The following KIF13B variants were observed in gnomAD, a reference collection of about 807,000 sequenced individuals.
The protein encoded by KIF13B is kinesin family member 13B.
KIF13B carries 127 observed loss-of-function variants against 222.0 expected under a neutral mutation model. That is an observed-to-expected ratio of 0.57 (90% CI 0.50 to 0.66). KIF13B has a LOEUF of 0.66. KIF13B is among the 30% of genes least tolerant of loss of function. The probability of loss-of-function intolerance (pLI) is 0.00; values close to 1 mark genes in which losing one functional copy is unlikely to be tolerated. For synonymous variants in KIF13B, 976 were observed against 919.0 expected, an observed-to-expected ratio of 1.06 and a Z score of -1.12; for missense variants, 2,173 against 2,379.0, an observed-to-expected ratio of 0.91 and a Z score of 1.80.
intron 2 of KIF13B, among the ~76,000 whole-genome samples, chr8:29,214,699 G>T (rs960587596): frequency 6.6e-6 from 1 of 152,206 alleles, no homozygotes; most frequent in Non-Finnish European, 1.5e-5. Context: ...TGATTATCAA[G>T]TATTATATAC....
chr8:29,080,800 C>G (rs1807775319), intron 37 of KIF13B, among the ~76,000 whole-genome samples: 1 of 152,162 alleles, frequency 6.6e-6, no homozygotes, highest in Non-Finnish European at 1.5e-5. Flanking sequence ...CACTGTGCCC[C>G]TGCCTGCCAC....
chr8:29,181,658 C>T (rs1812717857), intron 7 of KIF13B, among the ~76,000 whole-genome samples: 2 of 152,148 alleles, frequency 1.3e-5, no homozygotes, highest in Admixed American at 1.3e-4. Context: ...AGATAAAATT[C>T]ACAATTTTCT....
At chr8:29,189,763 G>A (rs1376431676) in intron 4 of KIF13B, 1 of 152,326 alleles carries the variant, frequency 6.6e-6, no homozygotes, top group Non-Finnish European at 1.5e-5. Flanking sequence ...CTCCAGCCCA[G>A]TCTCAGGCCT....
In KIF13B at chr8:29,188,618, G is replaced by C. The variant is rs1813046337; in HGVS notation, c.224-11C>G. ...AAACAATATCTTGACCTGAGAGAGA[G>C]AGAATAAGAGAAAAGATATTTTAAG... On this transcript the variant is annotated splice_polypyrimidine_tract_variant and intron_variant, in intron 4 of 39. Coordinates refer to ENST00000524189, the MANE Select transcript of KIF13B (RefSeq NM_015254.4). The C allele has an allele frequency of 6.5e-7, 1 of 1,548,760 alleles. No homozygotes were observed. The highest frequency in any genetic ancestry group is 8.8e-7 in the Non-Finnish European group (1 of 1,130,556).
chr8:29,128,493 A>T (rs1810211369), intron 24 of KIF13B, among the ~76,000 whole-genome samples: 1 of 152,240 alleles, frequency 6.6e-6, no homozygotes, highest in African/African-American at 2.4e-5. Context: ...ATCACCAAGG[A>T]CTAAGCCTCA....
chr8:29,092,964 C>A, intron 36 of KIF13B, 86 bp from the exon 37 acceptor site: 1 of 1,245,448 alleles, frequency 8.0e-7, no homozygotes, highest in South Asian at 1.9e-5. Context: ...CATCACTTGT[C>A]AGCAAATCTA....
chr8:29,200,705 C>G (rs1197437814), intron 2 of KIF13B, among the ~76,000 whole-genome samples: 3 of 152,270 alleles, frequency 2.0e-5, no homozygotes, highest in African/African-American at 7.2e-5. Flanking sequence ...TGGTCCAAGA[C>G]CTTGTGTTAC....
chr8:29,075,755 G>A (rs1807529651), intron 37 of KIF13B, among the ~76,000 whole-genome samples: 1 of 152,166 alleles, frequency 6.6e-6, no homozygotes, highest in African/African-American at 2.4e-5. Flanking sequence ...AGGAGGGGAG[G>A]AGGAAGGAGG....
At chr8:29,144,042 A>T (rs1810943800) in intron 18 of KIF13B, among the ~76,000 whole-genome samples, 1 of 151,468 alleles carries the variant, frequency 6.6e-6, no homozygotes, top group East Asian at 1.9e-4. Flanking sequence ...AAGTTAAAAA[A>T]AAAAAAGCCC....
intron 18 of KIF13B, among the ~76,000 whole-genome samples, chr8:29,145,462 C>T (rs1265610409): frequency 2.0e-5 from 3 of 152,110 alleles, no homozygotes; most frequent in Non-Finnish European, 4.4e-5. Flanking sequence ...AAAACCCCAT[C>T]TCTACTAAAA....
chr8:29,240,037 G>GA (rs35425328), intron 2 of KIF13B, among the ~76,000 whole-genome samples: 4,531 of 131,640 alleles, frequency 0.034, 98 homozygotes, highest in Middle Eastern at 0.058. Flanking sequence ...CACAAAAGAG[G>GA]AAAAAAAAAA....
At chr8:29,195,644 G>C (rs1221193132) in intron 3 of KIF13B, among the ~76,000 whole-genome samples, 11 of 152,186 alleles carry the variant, frequency 7.2e-5, no homozygotes, top group Non-Finnish European at 7.3e-5. Flanking sequence ...CTTCAAGCAG[G>C]GCTCCACATT....
chr8:29,165,668 A>G lies in KIF13B; in HGVS notation c.1263T>C (p.Ile421=). The G allele has an allele frequency of 6.2e-7, 1 of 1,602,860 alleles. No individual in the cohort carries two copies. The highest frequency in any genetic ancestry group is 1.1e-5 in the South Asian group (1 of 90,856). ...WEEKLRKTEE[I]AQERQKQLES... is the part of the protein sequence containing the mutation. ...ATCATCAGGAAACACGAACCTGTGC[A>G]ATCTCCTCCGTTTTCCTTAATTTCT... The change falls in exon 12 of 40, where the codon ATT becomes ATC. Residue 421 remains isoleucine, a synonymous_variant. Transcript: ENST00000524189.
intron 16 of KIF13B, among the ~76,000 whole-genome samples, chr8:29,148,203 A>G (rs1811142012): frequency 6.6e-6 from 1 of 152,210 alleles, no homozygotes; most frequent in South Asian, 2.1e-4. Flanking sequence ...AGACTCTCTC[A>G]CAAAAAATTA....
intron 2 of KIF13B, among the ~76,000 whole-genome samples, chr8:29,197,593 G>GCCTCTTTAACAATCCGGGTGTCCAA (rs1813499824): frequency 1.3e-5 from 2 of 151,904 alleles, no homozygotes; most frequent in African/African-American, 4.8e-5. Flanking sequence ...TTGCAAACAT[G>GCCTCTTTAACAATCCGGGTGTCCAA]CCTCTTTAAC....
At chr8:29,080,343 A>C (rs927643766) in intron 37 of KIF13B, among the ~76,000 whole-genome samples, 1 of 151,262 alleles carries the variant, frequency 6.6e-6, no homozygotes, top group Non-Finnish European at 1.5e-5. Context: ...AAAAAAAAAA[A>C]AAAAAACCAA....
Position 29,167,427 on chromosome 8 carries a change from G to T in KIF13B, c.1104C>A (p.Ile368=). 6.2e-7 allele frequency: 1 copy of T among 1,613,790 alleles called. No homozygotes were observed. The highest frequency in any genetic ancestry group is 8.5e-7 in the Non-Finnish European group (1 of 1,179,880). The change falls in exon 11 of 40, where the codon ATC becomes ATA. Residue 368 remains isoleucine, a synonymous_variant. Transcript: ENST00000524189. ...TCTCAACTTCTTCCCGGAGATCCCG[G>T]ATAATTCGGGCATTAGGGTCCTCAT... The part of the protein sequence containing the change: ...VVNEDPNARI[I]RDLREEVEKL...
intron 21 of KIF13B, among the ~76,000 whole-genome samples, chr8:29,139,657 T>C (rs968595386): frequency 1.8e-4 from 28 of 152,194 alleles, no homozygotes; most frequent in Admixed American, 1.8e-3. Context: ...GGACTGGTTC[T>C]AGGATGAGCT....
chr8:29,133,784 T>C (rs1810445545), intron 22 of KIF13B, among the ~76,000 whole-genome samples: 1 of 152,230 alleles, frequency 6.6e-6, no homozygotes, highest in Non-Finnish European at 1.5e-5. Context: ...TTCAGTAACC[T>C]AATATAGGAC....
Sources: allele counts gnomAD v4.1 joint callset (sites outside exome capture counted in the v4.1 genomes callset), GRCh38; gene constraint gnomAD v4.1.1; transcripts MANE v1.5; gene names NCBI Gene and HGNC (gene_info 2026-07-23, HGNC 2026-07-21).